The following MCC variants were observed in gnomAD, a reference collection of about 807,000 sequenced individuals.
The protein encoded by MCC is MCC regulator of Wnt signaling pathway, also known as colorectal mutant cancer protein.
MCC carries 90 observed loss-of-function variants against 116.2 expected under a neutral mutation model. The observed-to-expected ratio is 0.77, with a 90% CI of 0.65 to 0.92. MCC has a LOEUF of 0.92. Ranked by LOEUF, MCC falls within the 40% of genes least tolerant of loss-of-function variation. MCC has a pLI of 0.00. For synonymous variants in MCC, 578 were observed against 510.5 expected (o/e 1.13, Z -1.78); for missense variants, 1,516 against 1,312.2 (o/e 1.16, Z -2.40).
At chr5:113,444,135 G>A (rs771171210) in intron 1 of MCC, among the ~76,000 whole-genome samples, 5 of 152,060 alleles carry the variant, frequency 3.3e-5, no homozygotes, top group African/African-American at 1.2e-4. Flanking sequence ...GTGCATCACC[G>A]TGCCCGGCCT....
intron 11 of MCC, among the ~76,000 whole-genome samples, chr5:113,077,840 A>T (rs969619586): frequency 1.3e-5 from 2 of 152,120 alleles, no homozygotes; most frequent in African/African-American, 2.4e-5. Flanking sequence ...GACACAAAAA[A>T]CCCTTCAAAA....
Position 113,300,502 on chromosome 5 carries a change from G to A in MCC, c.627+40017C>T, listed in dbSNP as rs532301456. ...CGCCCAGAGTGTTTACATTGTAAAA[G>A]GAGAATGCTTTGAAATAATTCTTAA... is the stretch of plus-strand genomic sequence containing the variant. On this transcript the variant is annotated intron_variant, in intron 3 of 18. Transcript: ENST00000408903. 5.3e-5 allele frequency among the ~76,000 whole-genome samples: 8 copies of A among 152,306 alleles called. No homozygotes were observed. In the East Asian group the frequency reaches 9.6e-4, roughly 18 times the overall value.
In MCC at chr5:113,022,653, C is replaced by T. The variant is rs1750227427; in HGVS notation, c.*4649G>A. 6.6e-6 allele frequency: 1 copy of T among 152,164 alleles called. No homozygotes were observed. Among genetic ancestry groups the T allele is most frequent in the African/African-American group, 2.4e-5 (1 of 41,440 alleles). 9.4% of individuals were successfully genotyped at this position (152,164 alleles called of 1,614,324 possible). On this transcript the variant is annotated 3_prime_UTR_variant, in exon 19 of 19. Coordinates refer to ENST00000408903, the MANE Select transcript of MCC (RefSeq NM_001085377.2). ...TGAGTTCTACAAACAGAACATTTTT[C>T]CACATGAATTTGACTTGCAAAAAGT...
chr5:113,077,470 T>A (rs1754537012), intron 11 of MCC, among the ~76,000 whole-genome samples: 2 of 152,204 alleles, frequency 1.3e-5, no homozygotes, highest in African/African-American at 4.8e-5. Flanking sequence ...CAGAACACAG[T>A]GCAATCAAAC....
chr5:113,422,072 G>C (rs1262214536), intron 1 of MCC, among the ~76,000 whole-genome samples: 1 of 152,204 alleles, frequency 6.6e-6, no homozygotes, highest in South Asian at 2.1e-4. Flanking sequence ...TAAAATTATA[G>C]TTAATTCAGT....
chr5:113,067,522 A>G (rs1462877341), intron 13 of MCC, among the ~76,000 whole-genome samples: 1 of 152,220 alleles, frequency 6.6e-6, no homozygotes, highest in East Asian at 1.9e-4. Flanking sequence ...CTGTAATCCC[A>G]GCTACTTGGG....
At chr5:113,287,513 G>C (rs1316933124) in intron 3 of MCC, among the ~76,000 whole-genome samples, 2 of 152,090 alleles carry the variant, frequency 1.3e-5, no homozygotes, top group African/African-American at 4.8e-5. Context: ...TTTTAGTAGA[G>C]ACAGAGTTTC....
At chr5:113,422,451 G>T (rs59211196) in intron 1 of MCC, among the ~76,000 whole-genome samples, 17,721 of 152,136 alleles carry the variant, frequency 0.12, 1,809 homozygotes, top group African/African-American at 0.28. Context: ...CTTTTTAATT[G>T]ACTTTATGAT....
At chr5:113,062,925 C>G (rs1753323684) in intron 14 of MCC, among the ~76,000 whole-genome samples, 1 of 152,180 alleles carries the variant, frequency 6.6e-6, no homozygotes, top group African/African-American at 2.4e-5. Flanking sequence ...TCTCCTCTGG[C>G]TCTCAACAGT....
intron 5 of MCC, among the ~76,000 whole-genome samples, chr5:113,123,826 G>C (rs1757872304): frequency 6.6e-6 from 1 of 152,202 alleles, no homozygotes; most frequent in Non-Finnish European, 1.5e-5. Context: ...TCAGCTTCAA[G>C]GGCAGGTTGT....
intron 6 of MCC, among the ~76,000 whole-genome samples, chr5:113,107,598 A>C (rs1756823414): frequency 6.6e-6 from 1 of 152,202 alleles, no homozygotes; most frequent in African/African-American, 2.4e-5. Flanking sequence ...CTCAGAGACC[A>C]CACCAACCAG....
intron 3 of MCC, among the ~76,000 whole-genome samples, chr5:113,283,656 T>C (rs1450532203): frequency 2.0e-5 from 3 of 152,212 alleles, no homozygotes; most frequent in Non-Finnish European, 1.5e-5. Flanking sequence ...CATCTCATTA[T>C]TCCCCCCGCA....
chr5:113,290,762 G>C (rs1335144040), intron 3 of MCC, among the ~76,000 whole-genome samples: 2 of 152,182 alleles, frequency 1.3e-5, no homozygotes, highest in Admixed American at 6.5e-5. Flanking sequence ...TTAAAGTGTG[G>C]CCATTCGGCT....
chr5:113,157,829 A>C (rs1314412727), intron 3 of MCC, among the ~76,000 whole-genome samples: 1 of 152,252 alleles, frequency 6.6e-6, no homozygotes, highest in Non-Finnish European at 1.5e-5. Context: ...AGCTATGATA[A>C]AGTTTAATTC....
At chr5:113,147,606 C>G in intron 4 of MCC, among the ~76,000 whole-genome samples, 1 of 152,196 alleles carries the variant, frequency 6.6e-6, no homozygotes, top group Non-Finnish European at 1.5e-5. Context: ...GTTACCCTCT[C>G]AAGGTCACAC....
At chr5:113,487,835 AAGCCGCCGGGC>A (rs1772582047) in intron 1 of MCC, among the ~76,000 whole-genome samples, 1 of 152,220 alleles carries the variant, frequency 6.6e-6, no homozygotes, top group Non-Finnish European at 1.5e-5. Flanking sequence ...GGTGTCCACC[AAGCCGCCGGGC>A]AGATCGCTGC....
At chr5:113,299,886 T>C (rs1464527174) in intron 3 of MCC, among the ~76,000 whole-genome samples, 1 of 152,216 alleles carries the variant, frequency 6.6e-6, no homozygotes, top group Admixed American at 6.5e-5. Flanking sequence ...GTTCCTCTCC[T>C]TCCTGAGGCC....
At chr5:113,244,729 A>G (rs919577921) in intron 3 of MCC, among the ~76,000 whole-genome samples, 1 of 152,244 alleles carries the variant, frequency 6.6e-6, no homozygotes, top group Non-Finnish European at 1.5e-5. Context: ...GGCTAGAAGT[A>G]AAGATAGCTA....
intron 3 of MCC, among the ~76,000 whole-genome samples, chr5:113,226,637 T>C (rs1277749947): frequency 6.6e-6 from 1 of 152,240 alleles, no homozygotes; most frequent in Non-Finnish European, 1.5e-5. Context: ...TTAAATGATT[T>C]CCATATGCTT....
Sources: gnomAD v4.1 joint callset for allele counts (sites outside exome capture counted in the v4.1 genomes callset) on GRCh38, gnomAD v4.1.1 for gene constraint, MANE v1.5 for transcripts, NCBI Gene and HGNC (gene_info 2026-07-23, HGNC 2026-07-21) for gene names.